KANK1: variants seen among roughly 807,000 people sequenced by gnomAD.
KANK1 encodes KN motif and ankyrin repeat domains 1, also known as KN motif and ankyrin repeat domain-containing protein 1.
A neutral mutation model predicts 106.2 loss-of-function variants in KANK1; 109 were observed. The ratio of observed to expected loss-of-function variants is 1.03; its 90% CI spans 0.88 to 1.20. The LOEUF (loss-of-function observed/expected upper bound fraction) is 1.20. Ranked by LOEUF, KANK1 falls within the 50% of genes most tolerant of loss-of-function variation. The pLI is 0.00. For missense variants in KANK1, 2,399 were observed against 1,710.7 expected (o/e 1.40, Z -7.10); for synonymous variants, 873 against 652.2 (o/e 1.34, Z -5.16).
At chr9:502,933 C>T (rs1255248121), upstream of KANK1, among the ~76,000 whole-genome samples, 1 of 151,754 alleles carries the variant, frequency 6.6e-6, no homozygotes, top group Non-Finnish European at 1.5e-5. Context: ...CTCCAGGGCT[C>T]AGGCGATCCT....
At chr9:529,230 TATATACACACACACACACACACAC>T (rs2059944630) in intron 1 of KANK1, among the ~76,000 whole-genome samples, 1 of 142,610 alleles carries the variant, frequency 7.0e-6, no homozygotes, top group Admixed American at 7.3e-5. Flanking sequence ...AATATATATA[TATATACACACACACACACACACAC>T]ATATACACAC....
At chr9:616,796 T>A (rs2136279344) in intron 1 of KANK1, among the ~76,000 whole-genome samples, 1 of 152,340 alleles carries the variant, frequency 6.6e-6, no homozygotes, top group South Asian at 2.1e-4. Context: ...ATGTCGCTGC[T>A]GTTCTTTATA....
At chr9:559,949 T>C (rs1815952058) in intron 1 of KANK1, among the ~76,000 whole-genome samples, 1 of 152,244 alleles carries the variant, frequency 6.6e-6, no homozygotes, top group Non-Finnish European at 1.5e-5. Flanking sequence ...ATTATAGTTA[T>C]TTGTATTGTA....
At chr9:606,639 TTACATATATATA>T (rs1829270616) in intron 1 of KANK1, among the ~76,000 whole-genome samples, 1 of 67,130 alleles carries the variant, frequency 1.5e-5, no homozygotes, top group Non-Finnish European at 5.9e-5. Context: ...TTTATATATA[TTACATATATATA>T]TATGTTTAGA....
At chr9:582,562 A>C (rs1029326705) in intron 1 of KANK1, among the ~76,000 whole-genome samples, 1 of 152,106 alleles carries the variant, frequency 6.6e-6, no homozygotes, top group African/African-American at 2.4e-5. Flanking sequence ...ATGATCAGCT[A>C]CCTTCCTTTT....
chr9:628,934 G>C (rs1027161381), intron 1 of KANK1, among the ~76,000 whole-genome samples: 1 of 150,742 alleles, frequency 6.6e-6, no homozygotes, highest in Non-Finnish European at 1.5e-5. Context: ...CAAAAAATTA[G>C]CTGGGCATGG....
intron 1 of KANK1, among the ~76,000 whole-genome samples, chr9:604,390 C>A (rs944344729): frequency 6.6e-6 from 1 of 151,634 alleles, no homozygotes; most frequent in African/African-American, 2.4e-5. Flanking sequence ...TTACCCCATG[C>A]TGTCCTCCTG....
intron 6 of KANK1, 91 bp downstream of exon 6, chr9:732,708 A>G: frequency 7.0e-7 from 1 of 1,435,148 alleles, no homozygotes; most frequent in South Asian, 1.3e-5. Context: ...TTGTAATTAA[A>G]TGTTTGCTTT....
At chr9:537,728 A>G (rs2060378983) in intron 1 of KANK1, among the ~76,000 whole-genome samples, 1 of 152,142 alleles carries the variant, frequency 6.6e-6, no homozygotes, top group Non-Finnish European at 1.5e-5. Flanking sequence ...GTTTGGAGAC[A>G]TTTTTGGTTG....
At chr9:591,453 G>A (rs2135551440) in intron 1 of KANK1, among the ~76,000 whole-genome samples, 1 of 151,722 alleles carries the variant, frequency 6.6e-6, no homozygotes, top group South Asian at 2.1e-4. Context: ...GGCCTGCAGG[G>A]CCTGGCACGA....
intron 1 of KANK1, among the ~76,000 whole-genome samples, chr9:629,077 CAAAAAA>C (rs34834497): frequency 7.5e-6 from 1 of 132,670 alleles, no homozygotes; most frequent in Admixed American, 7.8e-5. Flanking sequence ...CAACTGTTTC[CAAAAAA>C]AAAAAAAAAA....
intron 3 of KANK1, among the ~76,000 whole-genome samples, chr9:717,826 A>G (rs1164296321): frequency 3.9e-5 from 6 of 152,184 alleles, no homozygotes; most frequent in Admixed American, 6.5e-5. Flanking sequence ...CAGATACTCT[A>G]AAAATATATA....
chr9:489,076 C>G (rs551319505), intron 3 of KANK1: 1 of 152,226 alleles, frequency 6.6e-6, no homozygotes, highest in African/African-American at 2.4e-5. Context: ...CCTGGAAAAT[C>G]CCCAAAGGTA....
At chr9:530,262 G>T (rs979852186) in intron 1 of KANK1, among the ~76,000 whole-genome samples, 2 of 151,858 alleles carry the variant, frequency 1.3e-5, no homozygotes, top group Non-Finnish European at 1.5e-5. Flanking sequence ...TAAAGTCTTT[G>T]GATTTAATAT....
intron 1 of KANK1, among the ~76,000 whole-genome samples, chr9:605,895 C>A (rs1036773771): frequency 3.3e-5 from 5 of 151,658 alleles, no homozygotes; most frequent in Admixed American, 3.3e-4. Flanking sequence ...CTGGCCCATA[C>A]ACCAGATGGC....
chr9:534,229 A>G (rs1313320583), intron 1 of KANK1, among the ~76,000 whole-genome samples: 1 of 152,266 alleles, frequency 6.6e-6, no homozygotes, highest in Non-Finnish European at 1.5e-5. Flanking sequence ...CAGAAAATGC[A>G]GAAATGTACG....
intron 1 of KANK1, among the ~76,000 whole-genome samples, chr9:522,941 A>T (rs527935974): frequency 6.6e-6 from 1 of 151,780 alleles, no homozygotes. Flanking sequence ...GCCTTCCCTG[A>T]GTTAATGTTA....
intron 1 of KANK1, among the ~76,000 whole-genome samples, chr9:590,300 T>G (rs569027760): frequency 2.4e-4 from 36 of 150,072 alleles, no homozygotes; most frequent in African/African-American, 7.1e-4. Context: ...GAGGAGATGA[T>G]AGATGCTTTC....
At chr9:512,113 A>T (rs1008374007) in intron 1 of KANK1, among the ~76,000 whole-genome samples, 1 of 152,180 alleles carries the variant, frequency 6.6e-6, no homozygotes, top group Non-Finnish European at 1.5e-5. Context: ...ATTTGTCTTC[A>T]TGGCAACTAC....
Sources: allele counts gnomAD v4.1 joint callset (sites outside exome capture counted in the v4.1 genomes callset), GRCh38; gene constraint gnomAD v4.1.1; transcripts MANE v1.5; gene names NCBI Gene and HGNC (gene_info 2026-07-23, HGNC 2026-07-21).